Variants in COL4A6 observed in about 807,000 individuals in gnomAD.
The protein encoded by COL4A6 is collagen alpha-6(IV) chain.
A neutral mutation model predicts 126.7 loss-of-function variants in COL4A6; 59 were observed. The observed-to-expected ratio is 0.47, with a 90% CI of 0.38 to 0.58. The LOEUF (loss-of-function observed/expected upper bound fraction) is 0.58, where lower values mean the gene tolerates loss of function less well. Ranked by LOEUF, COL4A6 falls within the 20% of genes least tolerant of loss-of-function variation. The pLI is 0.00. For synonymous variants in COL4A6, 547 were observed against 496.6 expected, an observed-to-expected ratio of 1.10 and a Z score of -1.35; for missense variants, 1,285 against 1,337.3, an observed-to-expected ratio of 0.96 and a Z score of 0.61.
At chrX:108,279,258 C>G (rs2037720928) in intron 3 of COL4A6, among the ~76,000 whole-genome samples, 2 of 110,787 alleles carry the variant, frequency 1.8e-5, no homozygotes, top group African/African-American at 6.6e-5. Context: ...ATCTCACGTG[C>G]AGAGACACAC....
intron 5 of COL4A6, among the ~76,000 whole-genome samples, chrX:108,218,287 G>A (rs1462527858): frequency 8.9e-6 from 1 of 112,403 alleles, no homozygotes; most frequent in African/African-American, 3.2e-5. Flanking sequence ...TTACCCAGTG[G>A]CTCCCAGAAG....
intron 6 of COL4A6, among the ~76,000 whole-genome samples, chrX:108,212,075 C>A (rs1457321428): frequency 2.7e-5 from 3 of 111,362 alleles, no homozygotes; most frequent in Non-Finnish European, 5.7e-5. Context: ...GCTGCTTCAC[C>A]CCTCACAGGT....
intron 2 of COL4A6, among the ~76,000 whole-genome samples, chrX:108,428,754 G>A (rs762247224): frequency 4.6e-4 from 51 of 111,183 alleles, no homozygotes; most frequent in Non-Finnish European, 5.7e-5. Context: ...AAGAATGGAA[G>A]TTTGTAAAAT....
rs965452058 is a variant in COL4A6, at chrX:108,351,442, CTG to C, written c.64-40616_64-40615del. 8.7e-3 allele frequency among the ~76,000 whole-genome samples: 817 copies of C among 93,961 alleles called. 2 individuals are homozygous for C. Among genetic ancestry groups the C allele is most frequent in the Middle Eastern group, 0.01 (2 of 195 alleles). The allele number at this position is 93,961 out of a possible 115,157, so 81.6% of individuals were successfully genotyped here. On this transcript the variant is annotated intron_variant, in intron 2 of 44. Transcript: ENST00000334504. ...TAAAAAAGGAGGTAACTCTCTCTCT[CTG>C]TGTGTGTGTGTGTGTGTGTGTGTGT...
chrX:108,289,242 AGTGTGT>A (rs34639525), intron 3 of COL4A6, among the ~76,000 whole-genome samples: 177 of 91,319 alleles, frequency 1.9e-3, no homozygotes, highest in African/African-American at 3.7e-3. Context: ...CAATGAGTAT[AGTGTGT>A]GTGTGTGTGT....
chrX:108,161,010 G>C (rs1350209589), intron 42 of COL4A6, among the ~76,000 whole-genome samples: 1 of 111,968 alleles, frequency 8.9e-6, no homozygotes, highest in East Asian at 2.8e-4. Context: ...GTCCAGCCTT[G>C]CAGGCCCTCA....
intron 5 of COL4A6, among the ~76,000 whole-genome samples, chrX:108,218,572 C>T (rs1380585348): frequency 1.8e-5 from 2 of 112,291 alleles, no homozygotes; most frequent in Non-Finnish European, 3.8e-5. Flanking sequence ...TCAGATGATA[C>T]TATCTTTCAG....
intron 2 of COL4A6, among the ~76,000 whole-genome samples, chrX:108,363,542 A>AGCATG (rs2040134891): frequency 8.9e-6 from 1 of 112,228 alleles, no homozygotes; most frequent in Non-Finnish European, 1.9e-5. Context: ...TAAGTAGAAG[A>AGCATG]GCATGGCTTG....
intron 2 of COL4A6, among the ~76,000 whole-genome samples, chrX:108,368,606 A>C (rs1221436631): frequency 1.8e-5 from 2 of 112,124 alleles, no homozygotes; most frequent in African/African-American, 6.5e-5. Flanking sequence ...ACTCTATTTT[A>C]CTTTATATAA....
At chrX:108,162,321 A>G (rs1324686198) in intron 41 of COL4A6, among the ~76,000 whole-genome samples, 1 of 109,638 alleles carries the variant, frequency 9.1e-6, no homozygotes, top group East Asian at 2.9e-4. Context: ...ATGCACTCTC[A>G]GCCTCGGTGA....
At chrX:108,322,647 G>A (rs749163101) in intron 2 of COL4A6, among the ~76,000 whole-genome samples, 11 of 112,023 alleles carry the variant, frequency 9.8e-5, no homozygotes, top group South Asian at 3.7e-4. Flanking sequence ...AATGTTGCCC[G>A]TAATGTTCTT....
intron 3 of COL4A6, among the ~76,000 whole-genome samples, chrX:108,277,646 C>T (rs1368714591): frequency 8.9e-6 from 1 of 111,929 alleles, no homozygotes; most frequent in Non-Finnish European, 1.9e-5. Context: ...AGTGGTTCTC[C>T]CAGCACGCAG....
intron 16 of COL4A6, 101 bp downstream of exon 16, chrX:108,194,433 A>G: frequency 1.1e-6 from 1 of 874,775 alleles, no homozygotes; most frequent in Non-Finnish European, 1.6e-6. Flanking sequence ...ATTGAAACTT[A>G]AAAGGTCAAA....
chrX:108,262,425 G>T (rs905933734), intron 3 of COL4A6, among the ~76,000 whole-genome samples: 19 of 111,561 alleles, frequency 1.7e-4, no homozygotes, highest in Non-Finnish European at 3.2e-4. Flanking sequence ...GGGACTTAAT[G>T]TGTTATTTCT....
chrX:108,411,296 T>C (rs951943332), intron 2 of COL4A6, among the ~76,000 whole-genome samples: 4 of 111,728 alleles, frequency 3.6e-5, no homozygotes, highest in African/African-American at 9.8e-5. Flanking sequence ...ACAGATAAGA[T>C]TGATGATTAT....
At chrX:108,260,270 G>T (rs1449237294) in intron 3 of COL4A6, among the ~76,000 whole-genome samples, 2 of 111,110 alleles carry the variant, frequency 1.8e-5, no homozygotes, top group South Asian at 3.8e-4. Flanking sequence ...TTTTAAGTCA[G>T]ACAGTTTAAT....
intron 23 of COL4A6, 53 bp from the exon 24 acceptor site, chrX:108,181,021 C>CT: frequency 3.0e-6 from 3 of 998,321 alleles, no homozygotes; most frequent in Non-Finnish European, 4.2e-6. Context: ...GGGAAGATTT[C>CT]TCCCTAGTAC....
chrX:108,202,066 G>C (rs984210102), intron 13 of COL4A6, among the ~76,000 whole-genome samples: 1 of 110,994 alleles, frequency 9.0e-6, no homozygotes, highest in Non-Finnish European at 1.9e-5. Flanking sequence ...TCGCACTTAC[G>C]GTTCCCTCAG....
At chrX:108,309,136 G>A (rs764097112) in intron 3 of COL4A6, among the ~76,000 whole-genome samples, 17 of 111,648 alleles carry the variant, frequency 1.5e-4, no homozygotes, top group Non-Finnish European at 3.0e-4. Flanking sequence ...GACAATAATG[G>A]CACTGAAAGA....
Sources: gnomAD v4.1 joint callset for allele counts (sites outside exome capture counted in the v4.1 genomes callset) on GRCh38, gnomAD v4.1.1 for gene constraint, MANE v1.5 for transcripts, NCBI Gene and HGNC (gene_info 2026-07-23, HGNC 2026-07-21) for gene names.